RYR2: variants seen among roughly 807,000 people sequenced by gnomAD.
RYR2 encodes the protein ryanodine receptor 2.
In RYR2, 227 loss-of-function variants were observed where a neutral mutation model predicts 601.1. That is an observed-to-expected ratio of 0.38 (90% CI 0.34 to 0.42). The LOEUF (loss-of-function observed/expected upper bound fraction) is 0.42, where lower values mean the gene tolerates loss of function less well. RYR2 is among the 10% of genes least tolerant of loss of function. RYR2 has a pLI of 1.00. For missense variants in RYR2, 4,646 were observed against 6,156.5 expected, an observed-to-expected ratio of 0.75 and a Z score of 8.21; for synonymous variants, 2,223 against 2,175.1, an observed-to-expected ratio of 1.02 and a Z score of -0.61.
chr1:237,433,713 C>T (rs1444578827), intron 12 of RYR2, among the ~76,000 whole-genome samples: 2 of 152,136 alleles, frequency 1.3e-5, no homozygotes, highest in African/African-American at 4.8e-5. Context: ...CCTCTCTTTA[C>T]ATACTTCTGC....
At chr1:237,073,460 T>C (rs1249514848) in intron 1 of RYR2, among the ~76,000 whole-genome samples, 1 of 152,114 alleles carries the variant, frequency 6.6e-6, no homozygotes, top group East Asian at 1.9e-4. Flanking sequence ...CCACTGGCCA[T>C]GTGTGGCTGT....
At chr1:237,485,045 G>C (rs374958018) in intron 17 of RYR2, among the ~76,000 whole-genome samples, 2 of 152,178 alleles carry the variant, frequency 1.3e-5, no homozygotes, top group African/African-American at 4.8e-5. Context: ...AAACAGCACA[G>C]AAATTTGCCG....
chr1:237,809,556 T>G (rs1574047578), intron 100 of RYR2, among the ~76,000 whole-genome samples: 1 of 152,338 alleles, frequency 6.6e-6, no homozygotes, highest in Middle Eastern at 3.4e-3. Context: ...TTCTACAACC[T>G]GTCTCTCTAA....
At chr1:237,551,093 G>A (rs1670341038) in intron 27 of RYR2, among the ~76,000 whole-genome samples, 1 of 152,074 alleles carries the variant, frequency 6.6e-6, no homozygotes. Context: ...CACACGTACA[G>A]GCAACATTGA....
At chr1:237,210,485 T>C (rs1682453738) in intron 1 of RYR2, among the ~76,000 whole-genome samples, 1 of 152,184 alleles carries the variant, frequency 6.6e-6, no homozygotes, top group African/African-American at 2.4e-5. Flanking sequence ...ATTTCTTGTA[T>C]CTCTCATGCA....
At chr1:237,322,849 GTGT>G (rs1038282543) in intron 2 of RYR2, among the ~76,000 whole-genome samples, 4 of 136,182 alleles carry the variant, frequency 2.9e-5, no homozygotes, top group East Asian at 2.2e-4. Context: ...TGTGTGTGTG[GTGT>G]TAATTTTTTT....
At position 237,590,960 on chromosome 1, in the gene RYR2, T is replaced by C; in HGVS notation, c.4128T>C (p.Tyr1376=). 2 of 1,613,226 alleles carry C rather than the reference T, an allele frequency of 1.2e-6. No individual in the cohort carries two copies. Among genetic ancestry groups the C allele is most frequent in the South Asian group, 1.1e-5 (1 of 91,034 alleles). ...CAGAGTTTAACAACCACAAAGATTATGCCCAGGAAAAGCCCTCTCGTCTGA... is the reference window on the plus strand; with the variant it reads ...CAGAGTTTAACAACCACAAAGATTACGCCCAGGAAAAGCCCTCTCGTCTGA... The part of the protein sequence containing the change: ...TKPEFNNHKD[Y]AQEKPSRLKQ... The change falls in exon 31 of 105, where the codon TAT becomes TAC. Residue 1376 remains tyrosine, a synonymous_variant. Transcript: ENST00000366574.
chr1:237,687,385 A>G, intron 62 of RYR2, 70 bp from the exon 63 acceptor site: 3 of 209,454 alleles, frequency 1.4e-5, no homozygotes, highest in Non-Finnish European at 2.3e-5. Context: ...TTTTTTTTTT[A>G]ATTTCCCCCT....
intron 1 of RYR2, among the ~76,000 whole-genome samples, chr1:237,105,311 G>T (rs1668540986): frequency 6.6e-6 from 1 of 152,198 alleles, no homozygotes; most frequent in Admixed American, 6.5e-5. Context: ...TAAATGAATT[G>T]CATTGCATGT....
At chr1:237,170,741 T>A (rs1038748452) in intron 1 of RYR2, among the ~76,000 whole-genome samples, 3 of 152,162 alleles carry the variant, frequency 2.0e-5, no homozygotes, top group African/African-American at 7.2e-5. Flanking sequence ...TATACTCAGC[T>A]ATTGTGTTGT....
intron 1 of RYR2, among the ~76,000 whole-genome samples, chr1:237,045,666 T>C (rs1660482413): frequency 2.6e-5 from 4 of 152,182 alleles, no homozygotes; most frequent in Non-Finnish European, 4.4e-5. Context: ...TCCAAACATA[T>C]CCATGATTTG....
At chr1:237,687,844 C>T (rs1328194449) in intron 63 of RYR2, among the ~76,000 whole-genome samples, 1 of 152,112 alleles carries the variant, frequency 6.6e-6, no homozygotes, top group Non-Finnish European at 1.5e-5. Flanking sequence ...TTGGTTACCT[C>T]TGACAGATTA....
chr1:237,333,461 G>A (rs562054980), intron 3 of RYR2, among the ~76,000 whole-genome samples: 12 of 152,302 alleles, frequency 7.9e-5, no homozygotes, highest in Admixed American at 7.8e-4. Context: ...TTGTATTTAT[G>A]GATTTGGAGG....
intron 24 of RYR2, among the ~76,000 whole-genome samples, chr1:237,526,030 G>A (rs1181129155): frequency 2.0e-5 from 3 of 151,988 alleles, no homozygotes; most frequent in East Asian, 3.9e-4. Context: ...CTTTGGGTAG[G>A]TATCCAGTTG....
intron 29 of RYR2, 57 bp downstream of exon 29, chr1:237,569,376 C>G: frequency 6.6e-7 from 1 of 1,525,260 alleles, no homozygotes; most frequent in Non-Finnish European, 9.0e-7. Context: ...AAGCTTTCAT[C>G]CTGAGGCTTC....
chr1:237,596,272 A>T (rs1343270434), intron 34 of RYR2, among the ~76,000 whole-genome samples: 6 of 152,240 alleles, frequency 3.9e-5, no homozygotes, highest in African/African-American at 1.4e-4. Context: ...TCAGTGAGAT[A>T]CAATAAAATG....
Position 237,473,419 on chromosome 1 carries a change from ATCTC to A in RYR2, c.1708+4244_1708+4247del, listed in dbSNP as rs375072151. Among the ~76,000 whole-genome samples, 41 of 124,524 alleles carry A rather than the reference ATCTC, an allele frequency of 3.3e-4. 1 individual carries two copies. The highest frequency in any genetic ancestry group is 3.7e-3 in the Middle Eastern group (1 of 270). 81.7% of individuals were successfully genotyped at this position (124,524 alleles called of 152,430 possible). The stretch of plus-strand genomic sequence containing the variant: ...AGCCTGGGCGACAGAACGAGACTCC[ATCTC>A]TCTCTCTCTCTTTCTTTCTTTCTTT... On this transcript the variant is annotated intron_variant, in intron 17 of 104. Transcript: ENST00000366574.
intron 1 of RYR2, among the ~76,000 whole-genome samples, chr1:237,097,786 C>T (rs1667644883): frequency 6.6e-6 from 1 of 152,120 alleles, no homozygotes; most frequent in African/African-American, 2.4e-5. Context: ...ATTAGCTATT[C>T]CCAGTCCGTG....
intron 24 of RYR2, among the ~76,000 whole-genome samples, chr1:237,525,928 C>T (rs1401559570): frequency 1.3e-5 from 2 of 151,216 alleles, no homozygotes; most frequent in South Asian, 2.1e-4. Context: ...TGCAGTGAGC[C>T]GAGATTGCAC....
Sources: gnomAD v4.1 joint callset for allele counts (sites outside exome capture counted in the v4.1 genomes callset) on GRCh38, gnomAD v4.1.1 for gene constraint, MANE v1.5 for transcripts, NCBI Gene and HGNC (gene_info 2026-07-23, HGNC 2026-07-21) for gene names.